UVRAG: variants seen among roughly 807,000 people sequenced by gnomAD.
UVRAG encodes UV radiation resistance associated.
In UVRAG, 19 loss-of-function variants were observed where a neutral mutation model predicts 78.0. That is an observed-to-expected ratio of 0.24 (90% CI 0.17 to 0.36). The LOEUF (loss-of-function observed/expected upper bound fraction) is 0.36, where lower values mean the gene tolerates loss of function less well. Among genes scored for constraint, UVRAG ranks in the 10% least tolerant of loss-of-function variants. The pLI is 1.00. For missense variants in UVRAG, 740 were observed against 853.8 expected (o/e 0.87, Z 1.66); for synonymous variants, 323 against 324.6 (o/e 1.00, Z 0.05).
intron 1 of UVRAG, chr11:75,835,461 C>T (rs901404082): frequency 1.3e-5 from 2 of 152,170 alleles, no homozygotes; most frequent in Non-Finnish European, 2.9e-5. Context: ...GTGGTTCTAC[C>T]ACTCATTAGT....
chr11:75,844,162 A>G (rs1367072359), intron 1 of UVRAG, among the ~76,000 whole-genome samples: 4 of 152,156 alleles, frequency 2.6e-5, no homozygotes, highest in Admixed American at 1.3e-4. Context: ...ACAAACAAAA[A>G]TATAAAAACA....
At chr11:76,020,602 G>T (rs1392770862) in intron 12 of UVRAG, among the ~76,000 whole-genome samples, 2 of 148,400 alleles carry the variant, frequency 1.3e-5, no homozygotes, top group Non-Finnish European at 3.0e-5. Flanking sequence ...TGGTATCCAA[G>T]ATGCAAGACA....
At chr11:76,081,699 G>A (rs575876471) in intron 13 of UVRAG, among the ~76,000 whole-genome samples, 1 of 152,136 alleles carries the variant, frequency 6.6e-6, no homozygotes, top group African/African-American at 2.4e-5. Flanking sequence ...TGGGAGGGTA[G>A]ATTGATCATT....
chr11:75,937,112 G>A (rs1246679004), intron 6 of UVRAG, among the ~76,000 whole-genome samples: 1 of 152,198 alleles, frequency 6.6e-6, no homozygotes, highest in Non-Finnish European at 1.5e-5. Context: ...GCTCACGCCT[G>A]TAATCCCAGC....
intron 1 of UVRAG, among the ~76,000 whole-genome samples, chr11:75,824,027 C>G (rs1268375281): frequency 6.6e-6 from 1 of 152,076 alleles, no homozygotes; most frequent in African/African-American, 2.4e-5. Context: ...GGATACCCTA[C>G]TTTTGCTAAT....
chr11:76,101,038 A>T (rs1207191457), intron 13 of UVRAG, among the ~76,000 whole-genome samples: 1 of 152,084 alleles, frequency 6.6e-6, no homozygotes, highest in African/African-American at 2.4e-5. Context: ...GTTCCATGTT[A>T]TTGCAGTTAT....
intron 13 of UVRAG, among the ~76,000 whole-genome samples, chr11:76,078,638 T>G (rs1236621689): frequency 2.7e-5 from 4 of 150,400 alleles, no homozygotes; most frequent in Non-Finnish European, 4.4e-5. Flanking sequence ...GTGCGGTGGC[T>G]CACACCTGTA....
At chr11:76,093,778 T>C (rs956065355) in intron 13 of UVRAG, among the ~76,000 whole-genome samples, 1 of 152,240 alleles carries the variant, frequency 6.6e-6, no homozygotes, top group Non-Finnish European at 1.5e-5. Context: ...TGGGGTTTTC[T>C]AGATATACAA....
At chr11:76,029,607 A>C (rs1194714694) in intron 12 of UVRAG, among the ~76,000 whole-genome samples, 1 of 152,190 alleles carries the variant, frequency 6.6e-6, no homozygotes, top group Non-Finnish European at 1.5e-5. Context: ...CTATTTCATG[A>C]TAAAAGTTTA....
At chr11:75,897,871 A>ATTTTTTTTTTTTTTTTTTTTTTT (rs146122619) in intron 5 of UVRAG, among the ~76,000 whole-genome samples, 2 of 108,898 alleles carry the variant, frequency 1.8e-5, no homozygotes, top group African/African-American at 4.0e-5. Context: ...TAGCTCTTTA[A>ATTTTTTTTTTTTTTTTTTTTTTT]TTTTTTTTTT....
At chr11:76,076,835 A>T (rs138195782) in intron 13 of UVRAG, among the ~76,000 whole-genome samples, 1 of 112,474 alleles carries the variant, frequency 8.9e-6, no homozygotes, top group African/African-American at 5.5e-5. Flanking sequence ...TTTATTTATT[A>T]GAGGCAGATG....
At chr11:75,991,012 A>G (rs1949595760) in intron 8 of UVRAG, among the ~76,000 whole-genome samples, 1 of 152,216 alleles carries the variant, frequency 6.6e-6, no homozygotes, top group Non-Finnish European at 1.5e-5. Context: ...ATATGGGAAG[A>G]CTGATACTCT....
intron 1 of UVRAG, among the ~76,000 whole-genome samples, chr11:75,842,090 A>G (rs945023503): frequency 2.0e-5 from 3 of 152,186 alleles, no homozygotes; most frequent in African/African-American, 7.2e-5. Context: ...TCCTCACAGT[A>G]TAGTCACTGG....
chr11:76,142,851 A>G lies in UVRAG; in HGVS notation c.*1438A>G, dbSNP rs1196600092. On this transcript the variant is annotated 3_prime_UTR_variant, in exon 15 of 15. Coordinates refer to ENST00000356136, the MANE Select transcript of UVRAG (RefSeq NM_003369.4). ...TCCAGTCGCCACATTTGTCCTGCAT[A>G]ACAGCTTCACTCACAGGCCTCACCG... 6.6e-6 allele frequency: 1 copy of G among 152,414 alleles called. No homozygotes were observed. Among genetic ancestry groups the G allele is most frequent in the Admixed American group, 6.5e-5 (1 of 15,280 alleles). 9.4% of individuals were successfully genotyped at this position (152,414 alleles called of 1,614,324 possible).
intron 8 of UVRAG, among the ~76,000 whole-genome samples, chr11:75,987,600 T>G (rs1196203725): frequency 6.6e-6 from 1 of 152,216 alleles, no homozygotes; most frequent in Admixed American, 6.5e-5. Flanking sequence ...CTTTTCTCAT[T>G]TCCAGTCTCA....
At chr11:76,074,768 TAGAC>T (rs1307774890) in intron 13 of UVRAG, among the ~76,000 whole-genome samples, 1 of 152,206 alleles carries the variant, frequency 6.6e-6, no homozygotes, top group Non-Finnish European at 1.5e-5. Context: ...TTCTGTGAGT[TAGAC>T]AGGGCATAGA....
At position 76,106,551 on chromosome 11, in the gene UVRAG, A is replaced by G. The variant is rs188831517; in HGVS notation, c.1306-9373A>G. ...CGGCTAATTTTTTTGTATTTTTAGT[A>G]GAGACAGGGTTTTACCATGTTGGCC... On this transcript the variant is annotated intron_variant, in intron 13 of 14. Coordinates refer to ENST00000356136, the MANE Select transcript of UVRAG (RefSeq NM_003369.4). Among the ~76,000 whole-genome samples the G allele has an allele frequency of 1.9e-3, 285 of 152,150 alleles. 1 individual carries two copies. The highest frequency in any genetic ancestry group is 3.9e-3 in the Admixed American group (60 of 15,276).
intron 1 of UVRAG, among the ~76,000 whole-genome samples, chr11:75,837,923 G>A (rs929794777): frequency 1.3e-5 from 2 of 152,186 alleles, no homozygotes; most frequent in African/African-American, 2.4e-5. Flanking sequence ...GGCTGAAGCA[G>A]GAGGGTTGCT....
chr11:75,834,272 A>T (rs773324938), intron 1 of UVRAG, among the ~76,000 whole-genome samples: 1 of 152,120 alleles, frequency 6.6e-6, no homozygotes, highest in Non-Finnish European at 1.5e-5. Context: ...AAAATAGGAC[A>T]TTCCTCATTT....
Sources: gnomAD v4.1 joint callset for allele counts (sites outside exome capture counted in the v4.1 genomes callset) on GRCh38, gnomAD v4.1.1 for gene constraint, MANE v1.5 for transcripts, NCBI Gene and HGNC (gene_info 2026-07-23, HGNC 2026-07-21) for gene names.